The following F13A1 variants were observed in gnomAD, a reference collection of about 807,000 sequenced individuals.
The protein encoded by F13A1 is coagulation factor XIII A chain.
F13A1 carries 47 observed loss-of-function variants against 80.1 expected under a neutral mutation model. The observed-to-expected ratio is 0.59, with a 90% CI of 0.46 to 0.75. The LOEUF is 0.75. Among genes scored for constraint, F13A1 ranks in the 30% least tolerant of loss-of-function variants. The pLI is 0.00. For synonymous variants in F13A1, 349 were observed against 344.9 expected, an observed-to-expected ratio of 1.01 and a Z score of -0.13; for missense variants, 817 against 930.4, an observed-to-expected ratio of 0.88 and a Z score of 1.59.
At chr6:6,187,979 C>A (rs1761110826) in intron 10 of F13A1, among the ~76,000 whole-genome samples, 1 of 149,670 alleles carries the variant, frequency 6.7e-6, no homozygotes, top group African/African-American at 2.4e-5. Context: ...GGAATTTATC[C>A]ATTTCTTCTA....
chr6:6,289,404 C>G (rs1210581868), intron 3 of F13A1, among the ~76,000 whole-genome samples: 1 of 151,964 alleles, frequency 6.6e-6, no homozygotes, highest in African/African-American at 2.4e-5. Context: ...TACTTCACTA[C>G]AGGTGAGTCC....
Position 6,243,958 on chromosome 6 carries a change from T to C in F13A1, c.798+4354A>G, listed in dbSNP as rs368540332. On this transcript the variant is annotated intron_variant, in intron 6 of 14. Coordinates refer to ENST00000264870, the MANE Select transcript of F13A1 (RefSeq NM_000129.4). The surrounding 1 kb of genome is among the most constrained non-coding windows in gnomAD (Gnocchi z 4.2). Reference sequence around the variant, plus strand: ...TTCTCTGCCCATAGTTGCTGCCAGATCCTATCAGTCGGGAGGCAGGAACAG... The same window carrying C: ...TTCTCTGCCCATAGTTGCTGCCAGACCCTATCAGTCGGGAGGCAGGAACAG... 4.7e-4 allele frequency among the ~76,000 whole-genome samples: 72 copies of C among 152,320 alleles called. No homozygotes were observed. Among genetic ancestry groups the C allele is most frequent in the African/African-American group, 1.7e-3 (70 of 41,582 alleles).
intron 6 of F13A1, among the ~76,000 whole-genome samples, chr6:6,242,109 G>A (rs1180919653): frequency 6.6e-6 from 1 of 152,096 alleles, no homozygotes; most frequent in East Asian, 1.9e-4. Context: ...GATGGACAAA[G>A]GGAAAATAAC....
rs1188525289 is a variant in F13A1, at chr6:6,188,287, C to G, written c.1306-6146G>C. On this transcript the variant is annotated intron_variant, in intron 10 of 14. Coordinates refer to ENST00000264870, the MANE Select transcript of F13A1 (RefSeq NM_000129.4). ...TAGCTTTTGAATGTGTTTGCTCTTG[C>G]TTTTCTAGTTCTTTTAATTGTGATG... Among the ~76,000 whole-genome samples the G allele has an allele frequency of 2.7e-5, 4 of 150,866 alleles. No individual in the cohort carries two copies. In the South Asian group the frequency reaches 6.4e-4, roughly 24 times the overall value.
At chr6:6,263,508 C>A (rs1485961988) in intron 4 of F13A1, among the ~76,000 whole-genome samples, 1 of 152,142 alleles carries the variant, frequency 6.6e-6, no homozygotes, top group African/African-American at 2.4e-5. Flanking sequence ...TGTCTCAACT[C>A]TTAATTGTTA....
At chr6:6,190,530 C>T (rs1761168644) in intron 10 of F13A1, among the ~76,000 whole-genome samples, 1 of 151,082 alleles carries the variant, frequency 6.6e-6, no homozygotes, top group Admixed American at 6.6e-5. Flanking sequence ...CCCAGTTAGG[C>T]TGCTCGGGGG....
intron 6 of F13A1, 126 bp from the exon 7 acceptor site, chr6:6,224,986 A>C: frequency 1.0e-6 from 1 of 998,294 alleles, no homozygotes; most frequent in Non-Finnish European, 1.5e-6. Context: ...AAAGAGTTCC[A>C]CTTCTGTTCG....
intron 3 of F13A1, among the ~76,000 whole-genome samples, chr6:6,268,051 A>T (rs1419497713): frequency 6.6e-6 from 1 of 152,236 alleles, no homozygotes; most frequent in Non-Finnish European, 1.5e-5. Context: ...AAAAATAGTA[A>T]AGCAAAAGGA....
intron 6 of F13A1, among the ~76,000 whole-genome samples, chr6:6,235,534 T>C (rs1335192221): frequency 6.6e-6 from 1 of 152,040 alleles, no homozygotes; most frequent in Non-Finnish European, 1.5e-5. Context: ...CAACAAAAGA[T>C]GCTCAGTATC....
intron 3 of F13A1, among the ~76,000 whole-genome samples, chr6:6,292,745 G>C (rs141601424): frequency 9.2e-5 from 14 of 152,164 alleles, no homozygotes; most frequent in African/African-American, 3.4e-4. Flanking sequence ...ATGCTTGAGC[G>C]GGTGATGAAC....
At chr6:6,207,405 A>G (rs1761515839) in intron 8 of F13A1, among the ~76,000 whole-genome samples, 2 of 152,346 alleles carry the variant, frequency 1.3e-5, no homozygotes, top group Non-Finnish European at 2.9e-5. Context: ...AAAATAAAAT[A>G]GAAGCAAATG....
chr6:6,299,998 G>A lies in F13A1; in HGVS notation c.319+5353C>T, dbSNP rs1015331348. Among the ~76,000 whole-genome samples, 59 of 147,344 alleles carry A rather than the reference G, an allele frequency of 4.0e-4. 1 individual carries two copies. Among genetic ancestry groups the A allele is most frequent in the South Asian group, 2.7e-3 (13 of 4,800 alleles). Reference sequence around the variant, plus strand: ...GACACTCAGCTGCAGGTCTGTTGGAGTACCCTGCCGTGTGAAGTGTCAGTG... The same window carrying A: ...GACACTCAGCTGCAGGTCTGTTGGAATACCCTGCCGTGTGAAGTGTCAGTG... On this transcript the variant is annotated intron_variant, in intron 3 of 14. Coordinates refer to ENST00000264870, the MANE Select transcript of F13A1 (RefSeq NM_000129.4).
At chr6:6,173,749 C>T (rs1760822057) in intron 12 of F13A1, among the ~76,000 whole-genome samples, 1 of 152,120 alleles carries the variant, frequency 6.6e-6, no homozygotes. Flanking sequence ...GAAAGCAAAG[C>T]ACACTATTCA....
In F13A1 at chr6:6,144,127, TTAA is replaced by T. The variant is rs568947525; in HGVS notation, c.*1489_*1491del. ...ATTTTAAGCTTCTATTACATTGTAA[TTAA>T]TAATAATATACTAAGTTAAGCCAGT... On this transcript the variant is annotated 3_prime_UTR_variant, in exon 15 of 15. Transcript: ENST00000264870. 1.2e-3 allele frequency: 182 copies of T among 152,340 alleles called. 1 individual carries two copies. Among genetic ancestry groups the T allele is most frequent in the African/African-American group, 4.3e-3 (177 of 41,562 alleles). The allele number at this position is 152,340 out of a possible 1,614,324, so 9.4% of individuals were successfully genotyped here.
In F13A1 at chr6:6,145,736, T is replaced by G; in HGVS notation, c.2082A>C (p.Glu694Asp). The G allele has an allele frequency of 1.9e-6, 3 of 1,614,096 alleles. No individual in the cohort carries two copies. Among genetic ancestry groups the G allele is most frequent in the Non-Finnish European group, 2.5e-6 (3 of 1,180,006 alleles). ...GCCCAGAGACCCAGGGCCGGCACAC[T>G]TCTTCCCACTGCACGGTGGAGTTGG... is the stretch of plus-strand genomic sequence containing the variant. ...IRPNSTVQWE[E>D]VCRPWVSGHR... The change falls in exon 15 of 15, where the codon GAA (glutamate) becomes GAC (aspartate). Residue 694 changes from glutamate to aspartate, a missense_variant. By Grantham distance (45) the Glu-to-Asp change is conservative. Transcript: ENST00000264870.
rs1015354703 is a variant in F13A1, at chr6:6,222,241, T to A, written c.974-70A>T. 3 of 1,593,410 alleles carry A rather than the reference T, an allele frequency of 1.9e-6. No homozygotes were observed. In the African/African-American group the frequency reaches 4.0e-5, roughly 21 times the overall value. On this transcript the variant is annotated intron_variant, in intron 7 of 14. Coordinates refer to ENST00000264870, the MANE Select transcript of F13A1 (RefSeq NM_000129.4). ...AATAAACACAGAGTGAAAAAACCCT[T>A]CTTGTAGGGGACTTTCTTCCTGACC...
chr6:6,196,239 G>C (rs910616428), intron 9 of F13A1, among the ~76,000 whole-genome samples: 2 of 152,198 alleles, frequency 1.3e-5, no homozygotes, highest in African/African-American at 4.8e-5. Context: ...CTGTGGTTGT[G>C]CTGCTGTTGC....
intron 11 of F13A1, 126 bp from the exon 12 acceptor site, chr6:6,174,993 A>T: frequency 8.8e-7 from 1 of 1,139,760 alleles, no homozygotes; most frequent in Non-Finnish European, 1.3e-6. Context: ...AGACCTCCCC[A>T]GGAGGAGGGT....
chr6:6,313,224 C>T (rs992575488), intron 2 of F13A1, among the ~76,000 whole-genome samples: 1 of 151,014 alleles, frequency 6.6e-6, no homozygotes. Flanking sequence ...AATGAATTTG[C>T]TTCCCCTGTC....
Sources: allele counts gnomAD v4.1 joint callset (sites outside exome capture counted in the v4.1 genomes callset), GRCh38; gene constraint gnomAD v4.1.1; non-coding constraint Gnocchi (gnomAD v3.1); transcripts MANE v1.5; gene names NCBI Gene and HGNC (gene_info 2026-07-23, HGNC 2026-07-21).